The following KDM2B variants were observed in gnomAD, a reference collection of about 807,000 sequenced individuals.
KDM2B encodes the protein lysine demethylase 2B.
KDM2B carries 26 observed loss-of-function variants against 150.0 expected under a neutral mutation model. The ratio of observed to expected loss-of-function variants is 0.17; its 90% confidence interval spans 0.13 to 0.24. The LOEUF is 0.24. Ranked by LOEUF, KDM2B falls within the 10% of genes least tolerant of loss-of-function variation. The pLI is 1.00. For synonymous variants in KDM2B, 734 were observed against 729.5 expected (o/e 1.01, Z -0.10); for missense variants, 1,265 against 1,816.9 (o/e 0.70, Z 5.52).
Position 121,467,476 on chromosome 12 carries a change from A to T in KDM2B, c.1735-14132T>A. ...GCTGGCCCCCCGGGCGGGCGGGCCA[A>T]TGGCGCGGCCGCGGCGCTGGGGCCG... is the stretch of plus-strand genomic sequence containing the variant. On this transcript the variant is annotated intron_variant, in intron 12 of 22. Coordinates refer to ENST00000377071, the MANE Select transcript of KDM2B (RefSeq NM_032590.5). The surrounding 1 kb of genome is among the most constrained non-coding windows in gnomAD (Gnocchi z 5.1). 1 of 435,466 alleles carries T rather than the reference A, an allele frequency of 2.3e-6. No homozygotes were observed. The highest frequency in any genetic ancestry group is 3.0e-6 in the Non-Finnish European group (1 of 330,316). 27.0% of individuals were successfully genotyped at this position (435,466 alleles called of 1,614,324 possible). A position where few individuals can be genotyped will look rare whatever the true frequency, so the allele number is the denominator to read the frequency against.
chr12:121,521,249 T>C lies in KDM2B; in HGVS notation c.932-149A>G, dbSNP rs1401568289. On this transcript the variant is annotated intron_variant, in intron 8 of 22. Coordinates refer to ENST00000377071, the MANE Select transcript of KDM2B (RefSeq NM_032590.5). The surrounding 1 kb of genome is among the most constrained non-coding windows in gnomAD (Gnocchi z 4.9). ...GGCCTGGGGCAGCGGCGCCCAGCAA[T>C]GCCTGCTGCACAACGCCCAGGCCTG... is the stretch of plus-strand genomic sequence containing the variant. 3 of 599,388 alleles carry C rather than the reference T, an allele frequency of 5.0e-6. No homozygotes were observed. The highest frequency in any genetic ancestry group is 9.1e-6 in the Non-Finnish European group (3 of 330,792). 37.1% of individuals were successfully genotyped at this position (599,388 alleles called of 1,614,324 possible).
chr12:121,464,605 C>G (rs112925817), intron 12 of KDM2B, among the ~76,000 whole-genome samples: 2 of 152,134 alleles, frequency 1.3e-5, no homozygotes, highest in Non-Finnish European at 2.9e-5. Context: ...ATGGGGTGGG[C>G]GTGAGGGCTA....
At chr12:121,481,893 C>T (rs1882195436) in intron 12 of KDM2B, among the ~76,000 whole-genome samples, 1 of 152,138 alleles carries the variant, frequency 6.6e-6, no homozygotes, top group Non-Finnish European at 1.5e-5. Context: ...ATTTTCCTGC[C>T]TCAGCCTCCC....
At chr12:121,553,186 G>C (rs570155022) in intron 4 of KDM2B, among the ~76,000 whole-genome samples, 1 of 151,642 alleles carries the variant, frequency 6.6e-6, no homozygotes, top group African/African-American at 2.4e-5. Context: ...AGCCGAGATC[G>C]CGCCACTGCA....
intron 11 of KDM2B, among the ~76,000 whole-genome samples, chr12:121,497,518 C>T (rs1884102984): frequency 6.6e-6 from 1 of 151,746 alleles, no homozygotes; most frequent in Non-Finnish European, 1.5e-5. Flanking sequence ...GTTGGCCAGG[C>T]TGGTCTCAAA....
intron 4 of KDM2B, among the ~76,000 whole-genome samples, chr12:121,565,947 T>A (rs1312156611): frequency 4.0e-5 from 6 of 150,168 alleles, no homozygotes; most frequent in Admixed American, 3.3e-4. Context: ...TTTTTTTTTT[T>A]AATAATAATA....
chr12:121,578,360 G>C (rs371232698), intron 2 of KDM2B, among the ~76,000 whole-genome samples: 2 of 152,150 alleles, frequency 1.3e-5, no homozygotes, highest in African/African-American at 2.4e-5. Flanking sequence ...AAGCGGGAAC[G>C]GGATTGGGAA....
In KDM2B at chr12:121,448,975, G is replaced by A. The variant is rs1180119602; in HGVS notation, c.1960-3557C>T. ...GGAGAGAAGCCAAGTGGGCAAGGCC[G>A]CGGGGCCTCAAGGTGAATGAGGACA... On this transcript the variant is annotated intron_variant, in intron 13 of 22. Coordinates refer to ENST00000377071, the MANE Select transcript of KDM2B (RefSeq NM_032590.5). Among the ~76,000 whole-genome samples the A allele has an allele frequency of 2.0e-5, 3 of 152,314 alleles. No individual in the cohort carries two copies. In the South Asian group the frequency reaches 6.2e-4, roughly 32 times the overall value.
chr12:121,531,465 G>A (rs1157064466), intron 8 of KDM2B, among the ~76,000 whole-genome samples: 1 of 152,050 alleles, frequency 6.6e-6, no homozygotes, highest in African/African-American at 2.4e-5. Context: ...GGCCTCAAAG[G>A]ATACTCCTAT....
chr12:121,535,019 T>C (rs1566388447), intron 6 of KDM2B, among the ~76,000 whole-genome samples: 1 of 152,086 alleles, frequency 6.6e-6, no homozygotes, highest in Non-Finnish European at 1.5e-5. Context: ...CTGGGCCCCC[T>C]GGAATTCAGT....
chr12:121,551,635 C>A (rs1566408694), intron 4 of KDM2B, among the ~76,000 whole-genome samples: 1 of 152,204 alleles, frequency 6.6e-6, no homozygotes, highest in East Asian at 1.9e-4. Context: ...TTACTGCAAC[C>A]TCCACCTGCG....
chr12:121,559,070 CA>C (rs1555313301), intron 4 of KDM2B, among the ~76,000 whole-genome samples: 2 of 152,244 alleles, frequency 1.3e-5, no homozygotes, highest in African/African-American at 4.8e-5. Context: ...GACTACACCT[CA>C]GCCTGCTCCG....
At chr12:121,476,149 G>A (rs892924938) in intron 12 of KDM2B, among the ~76,000 whole-genome samples, 18 of 152,014 alleles carry the variant, frequency 1.2e-4, no homozygotes, top group Admixed American at 1.0e-3. Context: ...ACAAAAATTA[G>A]CTGGGTATGG....
intron 11 of KDM2B, among the ~76,000 whole-genome samples, chr12:121,508,465 T>A (rs1885290815): frequency 6.6e-6 from 1 of 152,106 alleles, no homozygotes; most frequent in Non-Finnish European, 1.5e-5. Context: ...ACAAATGAAC[T>A]ACCAATCCTG....
At chr12:121,573,820 C>G (rs2136547482) in intron 4 of KDM2B, among the ~76,000 whole-genome samples, 1 of 151,952 alleles carries the variant, frequency 6.6e-6, no homozygotes, top group South Asian at 2.1e-4. Context: ...ATCTCCTGAC[C>G]TCATGATCCA....
At chr12:121,472,202 C>T (rs180869162) in intron 12 of KDM2B, among the ~76,000 whole-genome samples, 1 of 152,196 alleles carries the variant, frequency 6.6e-6, no homozygotes, top group African/African-American at 2.4e-5. Flanking sequence ...ATTGAGAATG[C>T]GCGCTTCAGT....
chr12:121,422,015 T>G, the KDM2B span, among the ~76,000 whole-genome samples: 2 of 152,228 alleles, frequency 1.3e-5, no homozygotes, highest in Non-Finnish European at 2.9e-5. Flanking sequence ...CTCAGAGCTT[T>G]CAGAGGTCGT....
In KDM2B at chr12:121,528,808, G is replaced by A. The variant is rs544431371; in HGVS notation, c.931+3998C>T. Among the ~76,000 whole-genome samples the A allele has an allele frequency of 5.9e-5, 9 of 152,284 alleles. No homozygotes were observed. In the South Asian group the frequency reaches 8.3e-4, roughly 14 times the overall value. ...CTTGGGAGGCTGAGGCTGGAGAATC[G>A]CTTGAACTTGGGAGGCGGAGGTTAC... On this transcript the variant is annotated intron_variant, in intron 8 of 22. Transcript: ENST00000377071.
chr12:121,477,578 C>CT lies in KDM2B; in HGVS notation c.1734+17000_1734+17001insA, dbSNP rs1566314855. Among the ~76,000 whole-genome samples the CT allele has an allele frequency of 1.1e-3, 92 of 87,584 alleles. 2 individuals are homozygous for CT. Among genetic ancestry groups the CT allele is most frequent in the Non-Finnish European group, 1.4e-3 (70 of 48,926 alleles). The allele number at this position is 87,584 out of a possible 152,430, so 57.5% of individuals were successfully genotyped here. A position where few individuals can be genotyped will look rare whatever the true frequency, so the allele number is the denominator to read the frequency against. On this transcript the variant is annotated intron_variant, in intron 12 of 22. Transcript: ENST00000377071. ...TTTTTCTTCTTTTCTTTTTGTCTTT[C>CT]CTTTTTTTTTTTTTTGGAGATGGAG... is the stretch of plus-strand genomic sequence containing the variant.
Sources: gnomAD v4.1 joint callset for allele counts (sites outside exome capture counted in the v4.1 genomes callset) on GRCh38, gnomAD v4.1.1 for gene constraint, Gnocchi (gnomAD v3.1) non-coding constraint, MANE v1.5 for transcripts, NCBI Gene and HGNC (gene_info 2026-07-23, HGNC 2026-07-21) for gene names.